Variants in LRP8 observed in about 807,000 individuals in gnomAD.
The protein encoded by LRP8 is low-density lipoprotein receptor-related protein 8.
LRP8 carries 46 observed loss-of-function variants against 111.6 expected under a neutral mutation model. The observed-to-expected ratio is 0.41, with a 90% CI of 0.33 to 0.53. The LOEUF is 0.53. LRP8 is among the 20% of genes least tolerant of loss of function. The pLI, the probability that LRP8 is intolerant of heterozygous loss-of-function variation, is 0.20. For missense variants in LRP8, 959 were observed against 1,297.4 expected (o/e 0.74, Z 4.01); for synonymous variants, 464 against 511.2 (o/e 0.91, Z 1.24).
At position 53,249,139 on chromosome 1, in the gene LRP8, G is replaced by A. The variant is rs1645816496; in HGVS notation, c.2853+241C>T. ...TCATTTGCTCCATCTCATTTCCCATGTCTCCCCTTCATGAACAGTTTGCCT... is the reference window on the plus strand; with the variant it reads ...TCATTTGCTCCATCTCATTTCCCATATCTCCCCTTCATGAACAGTTTGCCT... On this transcript the variant is annotated intron_variant, in intron 18 of 18. Transcript: ENST00000306052. The surrounding 1 kb of genome is among the most constrained non-coding windows in gnomAD (Gnocchi z 4.1). 6.6e-6 allele frequency among the ~76,000 whole-genome samples: 1 copy of A among 152,160 alleles called. No homozygotes were observed. The highest frequency in any genetic ancestry group is 1.5e-5 in the Non-Finnish European group (1 of 68,028).
chr1:53,250,625 G>C lies in LRP8; in HGVS notation c.2676+65C>G. The C allele has an allele frequency of 7.1e-7, 1 of 1,412,298 alleles. No homozygotes were observed. Among genetic ancestry groups the C allele is most frequent in the Non-Finnish European group, 9.9e-7 (1 of 1,010,820 alleles). 87.5% of individuals were successfully genotyped at this position (1,412,298 alleles called of 1,614,324 possible). A position where few individuals can be genotyped will look rare whatever the true frequency, so the allele number is the denominator to read the frequency against. ...GGATGGGAAGGAAGAAAGGATGGGA[G>C]GGGAAGAAAGGATGGAAGGGAAGAT... On this transcript the variant is annotated intron_variant, in intron 17 of 18. Coordinates refer to ENST00000306052, the MANE Select transcript of LRP8 (RefSeq NM_004631.5). This position sits in a 1 kb window ranked among gnomAD's most constrained non-coding sequence, Gnocchi z 4.6.
intron 2 of LRP8, among the ~76,000 whole-genome samples, chr1:53,290,321 G>C (rs1648470843): frequency 6.7e-6 from 1 of 148,468 alleles, no homozygotes; most frequent in African/African-American, 2.6e-5. Flanking sequence ...CCTCCTATCT[G>C]TGTGACCTTG....
At chr1:53,310,562 C>T (rs1169166351) in intron 2 of LRP8, among the ~76,000 whole-genome samples, 8 of 152,084 alleles carry the variant, frequency 5.3e-5, no homozygotes, top group Admixed American at 2.6e-4. Flanking sequence ...GAGACCCAGC[C>T]GTGCAGGAGC....
At chr1:53,318,955 T>C (rs974791249) in intron 2 of LRP8, among the ~76,000 whole-genome samples, 2 of 152,204 alleles carry the variant, frequency 1.3e-5, no homozygotes, top group African/African-American at 4.8e-5. Flanking sequence ...TTTCCTGTTC[T>C]TTATTAACTA....
At chr1:53,253,872 A>G (rs1447684008) in intron 16 of LRP8, among the ~76,000 whole-genome samples, 1 of 152,204 alleles carries the variant, frequency 6.6e-6, no homozygotes, top group African/African-American at 2.4e-5. Flanking sequence ...ACATGCCCCT[A>G]TCATAGCACA....
chr1:53,247,715 G>A (rs984000692), intron 18 of LRP8, among the ~76,000 whole-genome samples: 4 of 152,202 alleles, frequency 2.6e-5, no homozygotes, highest in African/African-American at 9.7e-5. Flanking sequence ...CTATATTAAT[G>A]TGAAATTTGT....
intron 2 of LRP8, among the ~76,000 whole-genome samples, chr1:53,291,323 G>A (rs769257430): frequency 2.6e-5 from 4 of 152,102 alleles, no homozygotes; most frequent in Non-Finnish European, 5.9e-5. Flanking sequence ...CCCCTGGAAT[G>A]AGCTTGGGAT....
At chr1:53,327,196 G>A in intron 1 of LRP8, 1 of 643,330 alleles carries the variant, frequency 1.6e-6, no homozygotes, top group Non-Finnish European at 2.6e-6. Context: ...GGCACGGCGA[G>A]ACCAGGCACC....
intron 2 of LRP8, among the ~76,000 whole-genome samples, chr1:53,297,533 T>A (rs577502990): frequency 6.6e-5 from 10 of 152,206 alleles, no homozygotes; most frequent in African/African-American, 1.9e-4. Context: ...GCAGGCGACA[T>A]CTAAATTCGC....
chr1:53,262,132 T>C lies in LRP8; in HGVS notation c.1850A>G (p.Asn617Ser), dbSNP rs1240243599. 4.3e-6 allele frequency: 7 copies of C among 1,614,134 alleles called. No homozygotes were observed. Among genetic ancestry groups the C allele is most frequent in the Non-Finnish European group, 5.1e-6 (6 of 1,180,046 alleles). Residue 617 changes from asparagine (N) to serine (S), a missense_variant, in exon 12 of 19, where the codon AAC (asparagine) becomes AGC (serine). Physicochemically the swap from Asn to Ser is conservative, Grantham distance 46. Transcript: ENST00000306052. This position sits in a 1 kb window ranked among gnomAD's most constrained non-coding sequence, Gnocchi z 4.8. ...QLSSIDFSGGNRKTLISSTDF... is the reference protein window; with the variant it reads ...QLSSIDFSGGSRKTLISSTDF... The stretch of plus-strand genomic sequence containing the variant: ...AGTGGAGGAGATCAGCGTCTTTCTG[T>C]TGCCTCCACTGAAGTCAATGCTGGA...
At chr1:53,272,377 TAG>T (rs1165640682) in intron 6 of LRP8, among the ~76,000 whole-genome samples, 2 of 152,146 alleles carry the variant, frequency 1.3e-5, no homozygotes, top group Non-Finnish European at 2.9e-5. Flanking sequence ...TCCTGAGCTT[TAG>T]AGTCACAGAA....
chr1:53,292,437 C>T (rs1225159202), intron 2 of LRP8, among the ~76,000 whole-genome samples: 1 of 152,152 alleles, frequency 6.6e-6, no homozygotes, highest in Non-Finnish European at 1.5e-5. Flanking sequence ...TGGAGAGGCC[C>T]TCCCTGTTTC....
At chr1:53,309,830 G>A (rs1652669119) in intron 2 of LRP8, among the ~76,000 whole-genome samples, 1 of 151,992 alleles carries the variant, frequency 6.6e-6, no homozygotes, top group Non-Finnish European at 1.5e-5. Context: ...CTGGCACGGG[G>A]CAGGCACACC....
Position 53,249,897 on chromosome 1 carries a change from G to A in LRP8, c.2677-341C>T, listed in dbSNP as rs954266606. Among the ~76,000 whole-genome samples, 18 of 152,152 alleles carry A rather than the reference G, an allele frequency of 1.2e-4. No individual in the cohort carries two copies. The highest frequency in any genetic ancestry group is 5.9e-5 in the Non-Finnish European group (4 of 68,038). The stretch of plus-strand genomic sequence containing the variant: ...ATATTTGTTGGGAGTCAGCCATGCC[G>A]TGCTAGGCATCAGGAAAACAGATTA... On this transcript the variant is annotated intron_variant, in intron 17 of 18. Coordinates refer to ENST00000306052, the MANE Select transcript of LRP8 (RefSeq NM_004631.5). This position sits in a 1 kb window ranked among gnomAD's most constrained non-coding sequence, Gnocchi z 4.1.
chr1:53,327,533 A>T (rs1249899851), intron 1 of LRP8: 1 of 418,178 alleles, frequency 2.4e-6, no homozygotes, highest in African/African-American at 2.1e-5. Context: ...CCCTCCGGCA[A>T]AGTTCCCCGC....
intron 5 of LRP8, 114 bp downstream of exon 5, chr1:53,276,578 C>T: frequency 1.2e-6 from 1 of 819,888 alleles, no homozygotes; most frequent in Non-Finnish European, 1.7e-6. Context: ...CTGTAGTAAA[C>T]CCGGGTAATG....
In LRP8 at chr1:53,276,701, C is replaced by T. The variant is rs1469687263; in HGVS notation, c.874G>A (p.Ala292Thr). 4 of 1,539,466 alleles carry T rather than the reference C, an allele frequency of 2.6e-6. No homozygotes were observed. The highest frequency in any genetic ancestry group is 1.8e-5 in the Admixed American group (1 of 54,974). Residue 292 changes from alanine (A) to threonine (T), a missense_variant, in exon 5 of 19, where the codon GCC becomes ACC. Physicochemically the swap from Ala to Thr is moderately conservative, Grantham distance 58. This residue lies in a region of LRP8 where 819 missense variants were observed against 1,097.6 expected (regional missense o/e 0.75). Coordinates refer to ENST00000306052, the MANE Select transcript of LRP8 (RefSeq NM_004631.5). ...TATGGAGGGGGCTTACGGCAGTCGGCCTCGTCCGATTTGTCTTTGCAGTCG... is the reference window on the plus strand; with the variant it reads ...TATGGAGGGGGCTTACGGCAGTCGGTCTCGTCCGATTTGTCTTTGCAGTCG... ...DRDCKDKSDE[A>T]DCPLGTCRGD... is the part of the protein sequence containing the mutation.
chr1:53,287,446 TG>T (rs967116454), intron 3 of LRP8, among the ~76,000 whole-genome samples: 1 of 152,168 alleles, frequency 6.6e-6, no homozygotes, highest in Non-Finnish European at 1.5e-5. Flanking sequence ...GAGAAGATTC[TG>T]GAATTCCGGA....
rs971081430 is a variant in LRP8 at position 53,327,058 on chromosome 1, G to A, written c.125-66C>T. Reference sequence around the variant, plus strand: ...GCCCCACTCCCCACCATGCAGTCCGGGCCACCCGGAAGGACCCGCTGGGGA... The same window carrying A: ...GCCCCACTCCCCACCATGCAGTCCGAGCCACCCGGAAGGACCCGCTGGGGA... On this transcript the variant is annotated intron_variant, in intron 1 of 18. Transcript: ENST00000306052. 3.8e-6 allele frequency: 6 copies of A among 1,582,084 alleles called. No individual in the cohort carries two copies. In the African/African-American group the frequency reaches 6.8e-5, roughly 18 times the overall value.
Sources: allele counts gnomAD v4.1 joint callset (sites outside exome capture counted in the v4.1 genomes callset), GRCh38; gene constraint gnomAD v4.1.1; regional missense constraint gnomAD v4.1.1; non-coding constraint Gnocchi (gnomAD v3.1); transcripts MANE v1.5; gene names NCBI Gene and HGNC (gene_info 2026-07-23, HGNC 2026-07-21).